NRG3: variants seen among roughly 807,000 people sequenced by gnomAD.
The protein encoded by NRG3 is pro-neuregulin-3, membrane-bound isoform.
In NRG3, 31 loss-of-function variants were observed where a neutral mutation model predicts 66.9. That is an observed-to-expected ratio of 0.46 (90% CI 0.35 to 0.63). The LOEUF (loss-of-function observed/expected upper bound fraction) is 0.63. NRG3 is among the 20% of genes least tolerant of loss of function. NRG3 has a pLI of 0.00. For synonymous variants in NRG3, 393 were observed against 359.4 expected (o/e 1.09, Z -1.06); for missense variants, 910 against 878.9 (o/e 1.04, Z -0.45).
chr10:81,918,036 T>C (rs1845874642), intron 1 of NRG3, among the ~76,000 whole-genome samples: 1 of 152,236 alleles, frequency 6.6e-6, no homozygotes, highest in Non-Finnish European at 1.5e-5. Context: ...CGAATCCATA[T>C]GCCATGCTCA....
chr10:82,450,353 G>C (rs1564934958), intron 2 of NRG3, among the ~76,000 whole-genome samples: 1 of 152,248 alleles, frequency 6.6e-6, no homozygotes, highest in African/African-American at 2.4e-5. Flanking sequence ...CTTGAGGATG[G>C]ATAAACCTTT....
chr10:82,116,122 C>A (rs1564577078), intron 1 of NRG3, among the ~76,000 whole-genome samples: 1 of 152,210 alleles, frequency 6.6e-6, no homozygotes, highest in Admixed American at 6.5e-5. Context: ...AAAGTGGATT[C>A]TTTACATCCA....
At chr10:82,252,264 C>T (rs2077519899) in intron 1 of NRG3, among the ~76,000 whole-genome samples, 1 of 152,084 alleles carries the variant, frequency 6.6e-6, no homozygotes, top group African/African-American at 2.4e-5. Flanking sequence ...ATTTTTTTCC[C>T]TTGTGTTTGC....
At chr10:82,290,036 C>T (rs992357282) in intron 1 of NRG3, among the ~76,000 whole-genome samples, 1 of 152,146 alleles carries the variant, frequency 6.6e-6, no homozygotes, top group Non-Finnish European at 1.5e-5. Context: ...ATGGATTTGC[C>T]TCAATTATCA....
chr10:82,252,320 G>A (rs368511492), intron 1 of NRG3, among the ~76,000 whole-genome samples: 14 of 152,088 alleles, frequency 9.2e-5, no homozygotes, highest in East Asian at 1.9e-4. Flanking sequence ...ATTTCACCTC[G>A]TGCCAAGTGC....
chr10:82,640,527 G>T (rs995186194), intron 2 of NRG3, among the ~76,000 whole-genome samples: 1 of 152,036 alleles, frequency 6.6e-6, no homozygotes, highest in Non-Finnish European at 1.5e-5. Flanking sequence ...GACTGGACAG[G>T]GTGCATTTAT....
intron 1 of NRG3, among the ~76,000 whole-genome samples, chr10:82,344,946 G>T (rs2082911546): frequency 1.8e-5 from 2 of 113,676 alleles, no homozygotes; most frequent in Non-Finnish European, 3.2e-5. Context: ...TGAGTTCATT[G>T]TAGATTCTGG....
intron 1 of NRG3, among the ~76,000 whole-genome samples, chr10:81,943,098 G>T (rs1589543284): frequency 6.6e-6 from 1 of 152,058 alleles, no homozygotes; most frequent in Non-Finnish European, 1.5e-5. Context: ...AGTAGTAGTT[G>T]CATTAATTGC....
chr10:82,380,604 C>A (rs1458665398), intron 2 of NRG3, among the ~76,000 whole-genome samples: 3 of 152,046 alleles, frequency 2.0e-5, no homozygotes, highest in Non-Finnish European at 4.4e-5. Context: ...GTTAAGGTGT[C>A]ATTAGAGATG....
intron 3 of NRG3, among the ~76,000 whole-genome samples, chr10:82,755,119 G>A (rs933325056): frequency 1.4e-4 from 22 of 152,012 alleles, no homozygotes; most frequent in Non-Finnish European, 2.8e-4. Flanking sequence ...GGTAGTTTGA[G>A]TTTTTTTCCT....
At chr10:82,290,547 C>T (rs1356650829) in intron 1 of NRG3, among the ~76,000 whole-genome samples, 7 of 151,976 alleles carry the variant, frequency 4.6e-5, no homozygotes, top group Admixed American at 2.0e-4. Flanking sequence ...GGTATGGATT[C>T]CCTAATGATT....
intron 1 of NRG3, among the ~76,000 whole-genome samples, chr10:82,118,234 T>TA (rs1396724819): frequency 1.4e-5 from 2 of 147,324 alleles, no homozygotes; most frequent in Non-Finnish European, 3.0e-5. Flanking sequence ...AAAAAAAAAC[T>TA]AAAAAATCTA....
rs536125113 is a variant in NRG3, at chr10:82,135,866, G to A, written c.824-222873G>A. Among the ~76,000 whole-genome samples the A allele has an allele frequency of 2.0e-5, 3 of 152,182 alleles. No individual in the cohort carries two copies. In the East Asian group the frequency reaches 5.8e-4, roughly 30 times the overall value. The stretch of plus-strand genomic sequence containing the variant: ...TGCCTTATTTGGTTTGTTTTGTGAG[G>A]TCATCTTTCCTGAATGGTCTTGATG... On this transcript the variant is annotated intron_variant, in intron 1 of 8. Coordinates refer to ENST00000372141, the MANE Select transcript of NRG3 (RefSeq NM_001010848.4).
At chr10:82,584,552 A>C (rs2046552591) in intron 2 of NRG3, among the ~76,000 whole-genome samples, 1 of 151,532 alleles carries the variant, frequency 6.6e-6, no homozygotes, top group Admixed American at 6.6e-5. Context: ...ACTTTGAAAA[A>C]CTCTAGCTTG....
chr10:81,918,106 T>G (rs1004204866), intron 1 of NRG3, among the ~76,000 whole-genome samples: 1 of 152,220 alleles, frequency 6.6e-6, no homozygotes, highest in Non-Finnish European at 1.5e-5. Flanking sequence ...TGCTGAAATG[T>G]GTTTTGGTCA....
intron 2 of NRG3, among the ~76,000 whole-genome samples, chr10:82,360,776 G>T (rs909315498): frequency 6.6e-6 from 1 of 152,010 alleles, no homozygotes. Context: ...CTCCCTCCTT[G>T]ACTTATAGAT....
chr10:82,261,084 A>G (rs185182493), intron 1 of NRG3, among the ~76,000 whole-genome samples: 6 of 152,210 alleles, frequency 3.9e-5, no homozygotes, highest in East Asian at 1.9e-4. Flanking sequence ...AGAGACTGAT[A>G]TGGTTTGGCT....
chr10:82,793,597 A>G (rs2060678468), intron 3 of NRG3, among the ~76,000 whole-genome samples: 1 of 152,196 alleles, frequency 6.6e-6, no homozygotes, highest in Non-Finnish European at 1.5e-5. Context: ...TTATGTTGCA[A>G]TAGCTTATAA....
At chr10:82,687,208 G>T (rs2054582188) in intron 2 of NRG3, among the ~76,000 whole-genome samples, 1 of 152,106 alleles carries the variant, frequency 6.6e-6, no homozygotes, top group Non-Finnish European at 1.5e-5. Context: ...CTTTTCCCTG[G>T]TTCATGTTGA....
Sources: gnomAD v4.1 joint callset for allele counts (sites outside exome capture counted in the v4.1 genomes callset) on GRCh38, gnomAD v4.1.1 for gene constraint, MANE v1.5 for transcripts, NCBI Gene and HGNC (gene_info 2026-07-23, HGNC 2026-07-21) for gene names.